Variants in ZNF532 observed in about 807,000 individuals in gnomAD.
ZNF532 encodes zinc finger protein 532.
A neutral mutation model predicts 89.3 loss-of-function variants in ZNF532; 22 were observed. The observed-to-expected ratio is 0.25, with a 90% CI of 0.18 to 0.35. The LOEUF (loss-of-function observed/expected upper bound fraction) is 0.35. Ranked by LOEUF, ZNF532 falls within the 10% of genes least tolerant of loss-of-function variation. The pLI is 1.00. For synonymous variants in ZNF532, 606 were observed against 649.6 expected, an observed-to-expected ratio of 0.93 and a Z score of 1.02; for missense variants, 1,132 against 1,643.4, an observed-to-expected ratio of 0.69 and a Z score of 5.38.
At chr18:58,946,685 T>C (rs1037081650) in intron 5 of ZNF532, among the ~76,000 whole-genome samples, 9 of 152,294 alleles carry the variant, frequency 5.9e-5, no homozygotes, top group African/African-American at 1.7e-4. Flanking sequence ...CTACGGTTAA[T>C]GATGACAAAT....
chr18:58,915,839 T>C (rs1300062895), intron 2 of ZNF532, among the ~76,000 whole-genome samples: 3 of 152,342 alleles, frequency 2.0e-5, no homozygotes, highest in East Asian at 1.9e-4. Context: ...TTATCTCTTA[T>C]CTTCTTTTTG....
rs143556107 is a variant in ZNF532, at chr18:58,893,256, G to A, written c.-17-25015G>A. 4.5e-3 allele frequency among the ~76,000 whole-genome samples: 692 copies of A among 152,206 alleles called. 6 individuals carry two copies. The highest frequency in any genetic ancestry group is 0.016 in the African/African-American group (664 of 41,540). The stretch of plus-strand genomic sequence containing the variant: ...GCCTGCCAAAGTGCTGGGATTAAGG[G>A]CGTTATGTACTTTAAAGAATAAAAA... On this transcript the variant is annotated intron_variant, in intron 2 of 9. Coordinates refer to ENST00000591808, the MANE Select transcript of ZNF532 (RefSeq NM_001375912.1).
At chr18:58,952,996 A>G (rs532805483) in intron 6 of ZNF532, among the ~76,000 whole-genome samples, 7 of 152,302 alleles carry the variant, frequency 4.6e-5, no homozygotes, top group African/African-American at 1.7e-4. Context: ...CCCAGCAAAA[A>G]CCCAGACTGT....
At chr18:58,907,331 G>A (rs2059993048) in intron 2 of ZNF532, among the ~76,000 whole-genome samples, 1 of 152,040 alleles carries the variant, frequency 6.6e-6, no homozygotes, top group Non-Finnish European at 1.5e-5. Flanking sequence ...GATTACAGAC[G>A]CGTGCCACCA....
intron 2 of ZNF532, among the ~76,000 whole-genome samples, chr18:58,874,426 C>T (rs1200353379): frequency 1.3e-5 from 2 of 152,222 alleles, no homozygotes; most frequent in Non-Finnish European, 2.9e-5. Context: ...CTCATCGCAA[C>T]CCCTGCCTCC....
At chr18:58,981,266 C>CT (rs2067736227) in intron 8 of ZNF532, 2 of 621,604 alleles carry the variant, frequency 3.2e-6, no homozygotes, top group African/African-American at 3.7e-5. Flanking sequence ...AATATTTTCC[C>CT]TTTAAAATTA....
chr18:58,984,453 C>T lies in ZNF532; in HGVS notation c.3893C>T (p.Ser1298Leu), dbSNP rs2068206515. ...MAFIKSKRMS[S>L]AEK is the part of the protein sequence containing the mutation. ...TTCATCAAATCCAAAAGGATGAGCT[C>T]AGCCGAGAAATAGCCACAGATGCTC... Residue 1298 changes from serine (S) to leucine (L), a missense_variant, in exon 10 of 10, where the codon TCA (serine) becomes TTA (leucine). By Grantham distance (145) the Ser-to-Leu change is moderately radical. Transcript: ENST00000591808. The T allele has an allele frequency of 1.2e-6, 2 of 1,607,864 alleles. No homozygotes were observed. The highest frequency in any genetic ancestry group is 1.7e-6 in the Non-Finnish European group (2 of 1,176,568).
chr18:58,900,948 T>A (rs997740105), intron 2 of ZNF532, among the ~76,000 whole-genome samples: 3 of 151,996 alleles, frequency 2.0e-5, no homozygotes, highest in Non-Finnish European at 4.4e-5. Context: ...AAAAAAAAAA[T>A]ACTTTTAATG....
chr18:58,967,539 G>GC (rs545375973), intron 7 of ZNF532, among the ~76,000 whole-genome samples: 35 of 151,588 alleles, frequency 2.3e-4, no homozygotes, highest in East Asian at 1.2e-3. Flanking sequence ...TCCCCACCCT[G>GC]CCCCCCCGTG....
intron 2 of ZNF532, among the ~76,000 whole-genome samples, chr18:58,902,564 C>T (rs1171581933): frequency 6.6e-6 from 1 of 151,052 alleles, no homozygotes; most frequent in Non-Finnish European, 1.5e-5. Flanking sequence ...GTGATCTCGA[C>T]TCACTGCAGC....
intron 2 of ZNF532, among the ~76,000 whole-genome samples, chr18:58,902,449 C>A (rs2059662935): frequency 1.3e-5 from 2 of 151,802 alleles, no homozygotes; most frequent in Admixed American, 1.3e-4. Flanking sequence ...TTAAGAGAAA[C>A]CTGTGTATTC....
intron 2 of ZNF532, among the ~76,000 whole-genome samples, chr18:58,902,799 A>T (rs2059685394): frequency 6.6e-6 from 1 of 151,948 alleles, no homozygotes; most frequent in South Asian, 2.1e-4. Flanking sequence ...GCCCCAGGTG[A>T]TCCTTCTAGT....
At chr18:58,869,094 C>T (rs1442376416) in intron 2 of ZNF532, among the ~76,000 whole-genome samples, 1 of 152,186 alleles carries the variant, frequency 6.6e-6, no homozygotes, top group African/African-American at 2.4e-5. Flanking sequence ...CTTATGGGAT[C>T]ACTGTGTGTA....
At chr18:58,954,127 A>G (rs556566263) in intron 7 of ZNF532, 46 of 987,772 alleles carry the variant, frequency 4.7e-5, no homozygotes, top group Middle Eastern at 9.6e-4. Flanking sequence ...ATTTACCTCT[A>G]TCCTTGTGCC....
At chr18:58,863,975 C>T (rs2056200760), upstream of ZNF532, 1 of 151,990 alleles carries the variant, frequency 6.6e-6, no homozygotes, top group South Asian at 2.1e-4. Context: ...GCCTTCGCGC[C>T]CCGCCAGCTG....
intron 2 of ZNF532, among the ~76,000 whole-genome samples, chr18:58,895,509 A>AT (rs1389705339): frequency 5.9e-5 from 9 of 152,230 alleles, no homozygotes; most frequent in Non-Finnish European, 1.5e-5. Flanking sequence ...TTTGACCCTA[A>AT]GATCTCCTTT....
intron 2 of ZNF532, among the ~76,000 whole-genome samples, chr18:58,893,635 C>T (rs1405525758): frequency 5.0e-5 from 7 of 138,822 alleles, no homozygotes; most frequent in South Asian, 4.6e-4. Context: ...TCAATCTGGG[C>T]GACAAAGCAA....
chr18:58,969,461 C>A (rs561073889), intron 7 of ZNF532, among the ~76,000 whole-genome samples: 1 of 152,160 alleles, frequency 6.6e-6, no homozygotes, highest in African/African-American at 2.4e-5. Flanking sequence ...CATCGCTGCC[C>A]GGCAGCTTGG....
At chr18:58,942,007 C>CT (rs369043375) in intron 5 of ZNF532, among the ~76,000 whole-genome samples, 1 of 133,968 alleles carries the variant, frequency 7.5e-6, no homozygotes, top group African/African-American at 2.8e-5. Flanking sequence ...TTCCTTCCTT[C>CT]TTTCTTTTCT....
Sources: gnomAD v4.1 joint callset for allele counts (sites outside exome capture counted in the v4.1 genomes callset) on GRCh38, gnomAD v4.1.1 for gene constraint, MANE v1.5 for transcripts, NCBI Gene and HGNC (gene_info 2026-07-23, HGNC 2026-07-21) for gene names.